The following MINDY3 variants were observed in gnomAD, a reference collection of about 807,000 sequenced individuals.
MINDY3 encodes the protein ubiquitin carboxyl-terminal hydrolase MINDY-3.
A neutral mutation model predicts 69.2 loss-of-function variants in MINDY3; 38 were observed. That is an observed-to-expected ratio of 0.55 (90% confidence interval 0.42 to 0.72). The LOEUF (loss-of-function observed/expected upper bound fraction) is 0.72, where lower values mean the gene tolerates loss of function less well. Ranked by LOEUF, MINDY3 falls within the 30% of genes least tolerant of loss-of-function variation. The probability of loss-of-function intolerance (pLI) is 0.00; values close to 1 mark genes in which losing one functional copy is unlikely to be tolerated. For synonymous variants in MINDY3, 192 were observed against 180.1 expected (o/e 1.07, Z -0.53); for missense variants, 522 against 519.0 (o/e 1.01, Z -0.06).
chr10:15,802,083 G>C (rs1838304288), intron 10 of MINDY3, among the ~76,000 whole-genome samples: 1 of 151,542 alleles, frequency 6.6e-6, no homozygotes, highest in Non-Finnish European at 1.5e-5. Context: ...TACAAAATAT[G>C]TGTTAATCTA....
At chr10:15,787,609 T>G (rs4748207) in intron 12 of MINDY3, among the ~76,000 whole-genome samples, 2,858 of 152,204 alleles carry the variant, frequency 0.019, 50 homozygotes, top group South Asian at 0.028. Flanking sequence ...GGGTAAGCTA[T>G]GTTTTAAGGT....
intron 10 of MINDY3, among the ~76,000 whole-genome samples, chr10:15,814,769 G>A (rs1292523240): frequency 6.6e-6 from 1 of 152,082 alleles, no homozygotes; most frequent in Non-Finnish European, 1.5e-5. Flanking sequence ...CACAATGGGC[G>A]AGTGCTATGG....
In MINDY3 at chr10:15,822,955, T is replaced by C. The variant is rs115800378; in HGVS notation, c.731-1229A>G. On this transcript the variant is annotated intron_variant, in intron 8 of 14. Transcript: ENST00000277632. ...CATTTCTTTCTGGGTAAAAATTATG[T>C]TCACTGTAAACATAATGCATATATA... Among the ~76,000 whole-genome samples the C allele has an allele frequency of 6.0e-3, 915 of 152,308 alleles. 12 individuals carry two copies. The highest frequency in any genetic ancestry group is 0.021 in the African/African-American group (881 of 41,566).
chr10:15,860,104 G>C, intron 1 of MINDY3, 102 bp downstream of exon 1: 2 of 857,264 alleles, frequency 2.3e-6, no homozygotes, highest in Admixed American at 4.3e-5. Flanking sequence ...GACTGGGGCA[G>C]AGAGCGGGGC....
chr10:15,827,176 T>TAAAAAAAAA (rs56332799), intron 8 of MINDY3, among the ~76,000 whole-genome samples: 2 of 44,858 alleles, frequency 4.5e-5, no homozygotes, highest in Non-Finnish European at 7.8e-5. Context: ...ATAACAGGAG[T>TAAAAAAAAA]AAAAAAAAAA....
At chr10:15,792,616 T>C (rs1201119488) in intron 11 of MINDY3, among the ~76,000 whole-genome samples, 1 of 151,962 alleles carries the variant, frequency 6.6e-6, no homozygotes, top group African/African-American at 2.4e-5. Flanking sequence ...CCTACAATAG[T>C]CCAATTATTC....
intron 6 of MINDY3, among the ~76,000 whole-genome samples, chr10:15,835,408 C>T (rs1343337352): frequency 6.6e-6 from 1 of 152,052 alleles, no homozygotes; most frequent in South Asian, 2.1e-4. Flanking sequence ...TAATTAACAA[C>T]CAAGATTTTT....
chr10:15,803,848 C>T (rs980579946), intron 10 of MINDY3, among the ~76,000 whole-genome samples: 4 of 151,952 alleles, frequency 2.6e-5, no homozygotes, highest in Non-Finnish European at 4.4e-5. Flanking sequence ...CACAAAAAAC[C>T]CCACGAATGA....
intron 2 of MINDY3, among the ~76,000 whole-genome samples, chr10:15,843,574 T>C (rs1257036004): frequency 6.6e-6 from 1 of 152,126 alleles, no homozygotes. Flanking sequence ...ACAAACTTAC[T>C]GCTCTATTCA....
At chr10:15,798,555 A>G (rs1259117809) in intron 10 of MINDY3, among the ~76,000 whole-genome samples, 1 of 151,830 alleles carries the variant, frequency 6.6e-6, no homozygotes, top group African/African-American at 2.4e-5. Context: ...AGGTGGGCAG[A>G]TAACGAGGTC....
chr10:15,813,336 T>G (rs1321276735), intron 10 of MINDY3, among the ~76,000 whole-genome samples: 1 of 152,102 alleles, frequency 6.6e-6, no homozygotes, highest in African/African-American at 2.4e-5. Flanking sequence ...AGGCATGAAT[T>G]TGCTCTATTT....
intron 10 of MINDY3, among the ~76,000 whole-genome samples, chr10:15,811,419 A>G (rs1184816181): frequency 6.6e-6 from 1 of 152,180 alleles, no homozygotes; most frequent in East Asian, 1.9e-4. Context: ...AAAGCCATCA[A>G]CCACTTGCCA....
rs1053509252 is a variant in MINDY3 at position 15,778,926 on chromosome 10, T to C, written c.*66A>G. On this transcript the variant is annotated 3_prime_UTR_variant, in exon 15 of 15. Transcript: ENST00000277632. ...CCAGTGTTTAGCTTAATCCAGCCAA[T>C]TGCCAGTCTTGACTCCTTCTTTCAA... 5.6e-6 allele frequency: 8 copies of C among 1,435,518 alleles called. No homozygotes were observed. The Admixed American group carries it at 1.1e-4, about 20-fold the overall frequency. 88.9% of individuals were successfully genotyped at this position (1,435,518 alleles called of 1,614,324 possible).
In MINDY3 at chr10:15,796,148, C is replaced by G. The variant is rs1837805178; in HGVS notation, c.907G>C (p.Ala303Pro). The change falls in exon 11 of 15, where the codon GCT becomes CCT. Residue 303 changes from alanine (A) to proline (P), a missense_variant. By Grantham distance (27) the Ala-to-Pro change is conservative. Coordinates refer to ENST00000277632, the MANE Select transcript of MINDY3 (RefSeq NM_024948.4). Reference sequence around the variant, plus strand: ...ACTCTTCTGGCTTGTTCTGAAGGAGCTTCAGGGGCAACTAAAGCCATATCC... The same window carrying G: ...ACTCTTCTGGCTTGTTCTGAAGGAGGTTCAGGGGCAACTAAAGCCATATCC... ...AKDMALVAPEAPSEQARRVFQ... is the reference protein window; with the variant it reads ...AKDMALVAPEPPSEQARRVFQ... The G allele has an allele frequency of 1.2e-6, 2 of 1,612,682 alleles. No homozygotes were observed. Among genetic ancestry groups the G allele is most frequent in the African/African-American group, 2.7e-5 (2 of 74,938 alleles).
intron 2 of MINDY3, 93 bp downstream of exon 2, chr10:15,847,771 T>C: frequency 1.3e-6 from 1 of 783,900 alleles, no homozygotes; most frequent in Non-Finnish European, 2.2e-6. Context: ...TTATGTCTCA[T>C]AATTACTATA....
intron 9 of MINDY3, 88 bp downstream of exon 9, chr10:15,821,568 C>G (rs1165824436): frequency 5.1e-6 from 5 of 974,288 alleles, no homozygotes; most frequent in Non-Finnish European, 4.8e-6. Context: ...GTGCTGTGCT[C>G]AAATGTGCTG....
chr10:15,852,561 A>G (rs1294457589), intron 1 of MINDY3, among the ~76,000 whole-genome samples: 2 of 152,198 alleles, frequency 1.3e-5, no homozygotes, highest in Non-Finnish European at 2.9e-5. Flanking sequence ...AGAAAAGCAC[A>G]TTAACTGAGC....
At chr10:15,847,803 C>A (rs1833958342) in intron 2 of MINDY3, 61 bp downstream of exon 2, 2 of 1,221,472 alleles carry the variant, frequency 1.6e-6, no homozygotes, top group Admixed American at 3.6e-5. Context: ...CATTAGAAAA[C>A]GACAAGTATG....
intron 11 of MINDY3, among the ~76,000 whole-genome samples, chr10:15,793,496 T>C (rs555671924): frequency 2.5e-4 from 38 of 152,138 alleles, no homozygotes; most frequent in African/African-American, 3.4e-4. Context: ...TGGGCAGAAA[T>C]TGCTCAACTA....
Sources: allele counts gnomAD v4.1 joint callset (sites outside exome capture counted in the v4.1 genomes callset), GRCh38; gene constraint gnomAD v4.1.1; transcripts MANE v1.5; gene names NCBI Gene and HGNC (gene_info 2026-07-23, HGNC 2026-07-21).